EPHA6: variants seen among roughly 807,000 people sequenced by gnomAD.
The protein encoded by EPHA6 is EPH receptor A6, also known as ephrin type-A receptor 6.
A neutral mutation model predicts 112.0 loss-of-function variants in EPHA6; 50 were observed. The observed-to-expected ratio is 0.45, with a 90% CI of 0.36 to 0.56. EPHA6 has a LOEUF of 0.56. Ranked by LOEUF, EPHA6 falls within the 20% of genes least tolerant of loss-of-function variation. The probability of loss-of-function intolerance (pLI) is 0.00; values close to 1 mark genes in which losing one functional copy is unlikely to be tolerated. For synonymous variants in EPHA6, 529 were observed against 490.7 expected (o/e 1.08, Z -1.03); for missense variants, 1,280 against 1,417.4 (o/e 0.90, Z 1.56).
chr3:97,603,100 T>A (rs2093655212), intron 12 of EPHA6, among the ~76,000 whole-genome samples: 1 of 152,028 alleles, frequency 6.6e-6, no homozygotes, highest in South Asian at 2.1e-4. Flanking sequence ...TAAAAACTCA[T>A]TTGTTATTAA....
At chr3:97,552,529 T>C (rs1577747695) in intron 11 of EPHA6, among the ~76,000 whole-genome samples, 1 of 152,194 alleles carries the variant, frequency 6.6e-6, no homozygotes, top group East Asian at 1.9e-4. Flanking sequence ...GTATTTTGTA[T>C]GTGTTAAAGA....
At position 96,814,637 on chromosome 3, in the gene EPHA6, C is replaced by G; in HGVS notation, c.14C>G (p.Ser5Trp). 1 of 1,470,660 alleles carries G rather than the reference C, an allele frequency of 6.8e-7. No individual in the cohort carries two copies. The highest frequency in any genetic ancestry group is 9.0e-7 in the Non-Finnish European group (1 of 1,111,276). 91.1% of individuals were successfully genotyped at this position (1,470,660 alleles called of 1,614,324 possible). The part of the protein sequence containing the change: MQFP[S>W]PPAARSSPAP... ...ACACTGTGGTGGATGCAATTCCCCT[C>G]GCCTCCAGCCGCGAGGAGCTCCCCG... is the stretch of plus-strand genomic sequence containing the variant. The change falls in exon 1 of 18, where the codon TCG (serine) becomes TGG (tryptophan). Residue 5 changes from serine (S) to tryptophan (W), a missense_variant. Ser to Trp is a radical substitution (Grantham distance 177). Coordinates refer to ENST00000389672, the MANE Select transcript of EPHA6 (RefSeq NM_001080448.3).
intron 14 of EPHA6, among the ~76,000 whole-genome samples, chr3:97,693,669 A>G (rs1417893766): frequency 3.3e-5 from 5 of 152,144 alleles, no homozygotes; most frequent in Non-Finnish European, 5.9e-5. Flanking sequence ...TTAGCCGGGC[A>G]TGGTGGCGGG....
intron 14 of EPHA6, among the ~76,000 whole-genome samples, chr3:97,718,423 CAGTTA>C: frequency 6.6e-6 from 1 of 151,880 alleles, no homozygotes; most frequent in South Asian, 2.1e-4. Context: ...ATAGAGTGCC[CAGTTA>C]AGTTTGAATT....
chr3:97,194,140 T>C (rs1441958273), intron 3 of EPHA6, among the ~76,000 whole-genome samples: 4 of 152,060 alleles, frequency 2.6e-5, no homozygotes, highest in African/African-American at 9.6e-5. Context: ...TTTCTAGTTC[T>C]TTAGTTTGTA....
At position 97,554,813 on chromosome 3, in the gene EPHA6, T is replaced by C. The variant is rs543097148; in HGVS notation, c.2386+22270T>C. Among the ~76,000 whole-genome samples, 22 of 152,158 alleles carry C rather than the reference T, an allele frequency of 1.4e-4. No homozygotes were observed. In the South Asian group the frequency reaches 4.4e-3, roughly 30 times the overall value. ...GTGGTCATGTTTTCTGTTTCTTGCC[T>C]TTTTGTATGTTCTGATGTTTTGACA... On this transcript the variant is annotated intron_variant, in intron 11 of 17. Transcript: ENST00000389672.
At chr3:97,366,333 T>C (rs7614095) in intron 5 of EPHA6, among the ~76,000 whole-genome samples, 24,651 of 151,816 alleles carry the variant, frequency 0.16, 2,779 homozygotes, top group Non-Finnish European at 0.25. Flanking sequence ...TTATTCAGCA[T>C]CTACTGTATA....
chr3:97,585,689 T>C (rs1393951903), intron 11 of EPHA6, among the ~76,000 whole-genome samples: 2 of 152,210 alleles, frequency 1.3e-5, no homozygotes, highest in African/African-American at 4.8e-5. Context: ...TTGGGGTTAG[T>C]GTGCAGGTAA....
At chr3:97,049,691 T>C (rs72918255) in intron 3 of EPHA6, among the ~76,000 whole-genome samples, 4 of 152,102 alleles carry the variant, frequency 2.6e-5, no homozygotes, top group African/African-American at 7.2e-5. Flanking sequence ...TTCTGATGGC[T>C]AGGAATTTCA....
At chr3:97,378,018 A>G (rs995376293) in intron 5 of EPHA6, among the ~76,000 whole-genome samples, 6 of 152,188 alleles carry the variant, frequency 3.9e-5, no homozygotes, top group Non-Finnish European at 5.9e-5. Context: ...CCCCAAGACA[A>G]TGGGGAAAAT....
At chr3:97,066,818 A>G (rs1267193540) in intron 3 of EPHA6, among the ~76,000 whole-genome samples, 1 of 152,188 alleles carries the variant, frequency 6.6e-6, no homozygotes, top group Non-Finnish European at 1.5e-5. Flanking sequence ...ATGCCTGAGC[A>G]CTAAATGTTC....
At chr3:97,056,611 T>C (rs560507209) in intron 3 of EPHA6, among the ~76,000 whole-genome samples, 35 of 152,288 alleles carry the variant, frequency 2.3e-4, no homozygotes, top group African/African-American at 7.0e-4. Context: ...TCCTGGTGTC[T>C]TGGTAAAGGA....
chr3:96,888,188 C>T (rs1409558906), intron 2 of EPHA6, among the ~76,000 whole-genome samples: 2 of 152,182 alleles, frequency 1.3e-5, no homozygotes, highest in African/African-American at 4.8e-5. Flanking sequence ...CCCTGCTCCT[C>T]TCCCATTGAA....
At chr3:97,223,631 G>C (rs1275716415) in intron 3 of EPHA6, among the ~76,000 whole-genome samples, 1 of 152,200 alleles carries the variant, frequency 6.6e-6, no homozygotes. Flanking sequence ...CCGAGGAAGA[G>C]AAAGCCAATG....
chr3:97,053,786 T>A (rs1217982909), intron 3 of EPHA6, among the ~76,000 whole-genome samples: 5 of 152,106 alleles, frequency 3.3e-5, no homozygotes, highest in African/African-American at 1.2e-4. Flanking sequence ...GGATCATGAG[T>A]ATCTTCTCAG....
At chr3:97,324,405 T>TTTTCTTTCTTTCTTTTC (rs2082271432) in intron 5 of EPHA6, among the ~76,000 whole-genome samples, 1 of 104,492 alleles carries the variant, frequency 9.6e-6, no homozygotes, top group Non-Finnish European at 1.9e-5. Context: ...GCTTTCCTTC[T>TTTTCTTTCTTTCTTTTC]TTTCTTTCTT....
rs1015123747 is a variant in EPHA6 at position 97,758,812 on chromosome 3, C to T, written c.*10111C>T. Reference sequence around the variant, plus strand: ...AGGGAAAATTTAATGAATGAAATTACAAGCAGAGGGGGATAGTTAATGAAT... The same window carrying T: ...AGGGAAAATTTAATGAATGAAATTATAAGCAGAGGGGGATAGTTAATGAAT... On this transcript the variant is annotated 3_prime_UTR_variant, in exon 18 of 18. Coordinates refer to ENST00000389672, the MANE Select transcript of EPHA6 (RefSeq NM_001080448.3). Among the ~76,000 whole-genome samples, 5 of 151,716 alleles carry T rather than the reference C, an allele frequency of 3.3e-5. No homozygotes were observed. The highest frequency in any genetic ancestry group is 7.4e-5 in the Non-Finnish European group (5 of 67,834).
chr3:97,483,822 T>C, intron 9 of EPHA6, 112 bp from the exon 10 acceptor site: 6 of 1,133,178 alleles, frequency 5.3e-6, no homozygotes, highest in Non-Finnish European at 7.0e-6. Flanking sequence ...AGACTTTAAA[T>C]CATTATCAAG....
At chr3:97,252,980 T>C (rs1454290010) in intron 5 of EPHA6, among the ~76,000 whole-genome samples, 1 of 152,158 alleles carries the variant, frequency 6.6e-6, no homozygotes, top group East Asian at 1.9e-4. Context: ...ACACTAAATA[T>C]TGAGCTATCT....
Sources: gnomAD v4.1 joint callset for allele counts (sites outside exome capture counted in the v4.1 genomes callset) on GRCh38, gnomAD v4.1.1 for gene constraint, MANE v1.5 for transcripts, NCBI Gene and HGNC (gene_info 2026-07-23, HGNC 2026-07-21) for gene names.